CD44: variants seen among roughly 807,000 people sequenced by gnomAD.
CD44 encodes the protein CD44 molecule (IN blood group).
CD44 carries 49 observed loss-of-function variants against 88.8 expected under a neutral mutation model. The ratio of observed to expected loss-of-function variants is 0.55; its 90% CI spans 0.44 to 0.70. The LOEUF is 0.70. Ranked by LOEUF, CD44 falls within the 30% of genes least tolerant of loss-of-function variation. CD44 has a pLI of 0.00. For missense variants in CD44, 883 were observed against 913.8 expected (o/e 0.97, Z 0.43); for synonymous variants, 325 against 312.3 (o/e 1.04, Z -0.43).
intron 1 of CD44, among the ~76,000 whole-genome samples, chr11:35,151,666 C>T (rs949728083): frequency 3.9e-5 from 6 of 152,118 alleles, no homozygotes; most frequent in African/African-American, 7.2e-5. Flanking sequence ...TGGACATCAC[C>T]GTAGTGGAGC....
chr11:35,199,967 T>G (rs35852050), intron 7 of CD44, among the ~76,000 whole-genome samples: 8,706 of 141,522 alleles, frequency 0.062, 337 homozygotes, highest in Non-Finnish European at 0.087. Flanking sequence ...TTTTTAATTT[T>G]TTAAATCTCT....
At chr11:35,160,840 C>A (rs1322994656) in intron 1 of CD44, among the ~76,000 whole-genome samples, 1 of 152,192 alleles carries the variant, frequency 6.6e-6, no homozygotes, top group African/African-American at 2.4e-5. Flanking sequence ...CAGTGGAACC[C>A]ACTTTGGTTA....
intron 17 of CD44, chr11:35,223,323 T>C: frequency 1.0e-6 from 1 of 982,546 alleles, no homozygotes; most frequent in Non-Finnish European, 1.2e-6. Context: ...AATTTCCTAT[T>C]GTGTGCAATC....
rs185300326 is a variant in CD44, at chr11:35,231,844, A to T, written c.*2511A>T. ...AAGCAACCTAAGAGCTAAAGATGTA[A>T]TTTTTCTTGCAATTGTAAATCTTTT... On this transcript the variant is annotated 3_prime_UTR_variant, in exon 18 of 18. Transcript: ENST00000428726. The T allele has an allele frequency of 2.0e-5, 3 of 152,304 alleles. 1 individual carries two copies. In the East Asian group the frequency reaches 5.8e-4, roughly 29 times the overall value. The allele number at this position is 152,304 out of a possible 1,614,324, so 9.4% of individuals were successfully genotyped here.
intron 17 of CD44, among the ~76,000 whole-genome samples, chr11:35,225,290 G>A (rs1277769818): frequency 6.6e-6 from 1 of 152,146 alleles, no homozygotes; most frequent in Non-Finnish European, 1.5e-5. Context: ...CATGAGATCA[G>A]TTGCCAAGTT....
At chr11:35,221,470 G>A (rs561373214) in intron 16 of CD44, among the ~76,000 whole-genome samples, 184 bp from the exon 17 acceptor site, 49 of 152,312 alleles carry the variant, frequency 3.2e-4, no homozygotes, top group African/African-American at 1.0e-3. Flanking sequence ...AAGGCTGTTG[G>A]ACAAATACCT....
In CD44 at chr11:35,190,037, C is replaced by G; in HGVS notation, c.639C>G (p.Thr213=). 2 of 1,614,082 alleles carry G rather than the reference C, an allele frequency of 1.2e-6. No homozygotes were observed. Among genetic ancestry groups the G allele is most frequent in the Non-Finnish European group, 1.7e-6 (2 of 1,179,918 alleles). Residue 213 remains threonine (T), a synonymous_variant, in exon 5 of 18, where the codon ACC becomes ACG. Transcript: ENST00000428726. ...CAGACGAAGACAGTCCCTGGATCAC[C>G]GACAGCACAGACAGAATCCCTGCTA... ...PIPDEDSPWI[T]DSTDRIPATT...
At position 35,180,427 on chromosome 11, in the gene CD44, T is replaced by C. The variant is rs779072883; in HGVS notation, c.367+20T>C. The C allele has an allele frequency of 3.7e-6, 6 of 1,613,822 alleles. No individual in the cohort carries two copies. Among genetic ancestry groups the C allele is most frequent in the Non-Finnish European group, 5.1e-6 (6 of 1,179,808 alleles). ...CTTCAGGTTGGTTCTCAGGGGGGTG[T>C]CTGTTGGCGTGAAAGGCTGTGGGAG... On this transcript the variant is annotated intron_variant, in intron 3 of 17. Coordinates refer to ENST00000428726, the MANE Select transcript of CD44 (RefSeq NM_000610.4).
chr11:35,204,215 A>T (rs1947592957), intron 9 of CD44, among the ~76,000 whole-genome samples: 1 of 152,214 alleles, frequency 6.6e-6, no homozygotes, highest in Non-Finnish European at 1.5e-5. Flanking sequence ...ACAGTAAAAT[A>T]AAAATAATAA....
chr11:35,176,993 CT>C (rs1326993625), intron 2 of CD44: 4 of 412,652 alleles, frequency 9.7e-6, no homozygotes, highest in Non-Finnish European at 1.7e-5. Context: ...CTGGAATCCT[CT>C]TGTCTAACCT....
chr11:35,204,702 A>C (rs1947659024), intron 10 of CD44, 62 bp downstream of exon 10: 2 of 1,438,722 alleles, frequency 1.4e-6, no homozygotes, highest in Non-Finnish European at 1.9e-6. Flanking sequence ...AACGGTAGAC[A>C]TTGAGGACAT....
chr11:35,213,038 G>T (rs530504433), intron 14 of CD44, among the ~76,000 whole-genome samples: 1 of 150,828 alleles, frequency 6.6e-6, no homozygotes, highest in Admixed American at 6.6e-5. Context: ...TGGCCAGGCT[G>T]GTCTCGAACT....
intron 1 of CD44, among the ~76,000 whole-genome samples, chr11:35,172,491 G>A (rs1172779614): frequency 6.6e-6 from 1 of 152,098 alleles, no homozygotes; most frequent in Non-Finnish European, 1.5e-5. Flanking sequence ...TTAATCATTG[G>A]TCCTCTTCAT....
At chr11:35,145,612 T>G (rs1858983763) in intron 1 of CD44, among the ~76,000 whole-genome samples, 1 of 152,046 alleles carries the variant, frequency 6.6e-6, no homozygotes, top group African/African-American at 2.4e-5. Context: ...ACCCCAAATT[T>G]AAGCCTCAAA....
chr11:35,221,241 A>T (rs1949271301), intron 16 of CD44, among the ~76,000 whole-genome samples: 1 of 152,048 alleles, frequency 6.6e-6, no homozygotes, highest in Non-Finnish European at 1.5e-5. Flanking sequence ...TATTGCCTCC[A>T]TTTTTGTTTT....
chr11:35,194,340 A>C (rs796496359), intron 5 of CD44, among the ~76,000 whole-genome samples: 9 of 152,346 alleles, frequency 5.9e-5, no homozygotes, highest in African/African-American at 2.2e-4. Context: ...AATAATAGAT[A>C]CAGACATCAT....
chr11:35,144,229 G>T (rs1224635820), intron 1 of CD44, among the ~76,000 whole-genome samples: 1 of 152,240 alleles, frequency 6.6e-6, no homozygotes, highest in African/African-American at 2.4e-5. Flanking sequence ...GGGGATAAGA[G>T]AGTAACTGCA....
chr11:35,182,959 A>C (rs1945301594), intron 3 of CD44, among the ~76,000 whole-genome samples: 2 of 152,170 alleles, frequency 1.3e-5, no homozygotes, highest in African/African-American at 4.8e-5. Context: ...GCAGGCTGCG[A>C]CTGAGACTTG....
chr11:35,146,708 G>A (rs1201718113), intron 1 of CD44, among the ~76,000 whole-genome samples: 1 of 152,198 alleles, frequency 6.6e-6, no homozygotes, highest in Non-Finnish European at 1.5e-5. Flanking sequence ...CAGAGTTCAT[G>A]CTCTTTGTCA....
Sources: gnomAD v4.1 joint callset for allele counts (sites outside exome capture counted in the v4.1 genomes callset) on GRCh38, gnomAD v4.1.1 for gene constraint, MANE v1.5 for transcripts, NCBI Gene and HGNC (gene_info 2026-07-23, HGNC 2026-07-21) for gene names.